The following RBFOX1 variants were observed in gnomAD, a reference collection of about 807,000 sequenced individuals.
The protein encoded by RBFOX1 is RNA binding fox-1 homolog 1.
A neutral mutation model predicts 57.7 loss-of-function variants in RBFOX1; 8 were observed. The observed-to-expected ratio is 0.14, with a 90% CI of 0.08 to 0.25. The LOEUF (loss-of-function observed/expected upper bound fraction) is 0.25, where lower values mean the gene tolerates loss of function less well. RBFOX1 is among the 10% of genes least tolerant of loss of function. The pLI is 1.00. For missense variants in RBFOX1, 611 were observed against 548.5 expected (o/e 1.11, Z -1.14); for synonymous variants, 326 against 222.4 (o/e 1.47, Z -4.15).
chr16:6,498,944 TCTC>T (rs1225797883), intron 2 of RBFOX1, among the ~76,000 whole-genome samples: 3 of 152,118 alleles, frequency 2.0e-5, no homozygotes, highest in East Asian at 1.9e-4. Flanking sequence ...CTTGGAGCCT[TCTC>T]CTCCAATACA....
chr16:5,377,896 C>G (rs1193385928), intron 1 of RBFOX1, among the ~76,000 whole-genome samples: 1 of 151,730 alleles, frequency 6.6e-6, no homozygotes, highest in Non-Finnish European at 1.5e-5. Flanking sequence ...CTCTTGAGAA[C>G]AGTTTTCCGT....
intron 1 of RBFOX1, among the ~76,000 whole-genome samples, chr16:5,264,873 C>T (rs549287650): frequency 1.3e-5 from 2 of 152,256 alleles, no homozygotes; most frequent in South Asian, 2.1e-4. Flanking sequence ...GGAAACAGAG[C>T]ACCCCACACC....
intron 1 of RBFOX1, among the ~76,000 whole-genome samples, chr16:6,253,844 C>T (rs569404042): frequency 6.6e-6 from 1 of 152,148 alleles, no homozygotes; most frequent in Non-Finnish European, 1.5e-5. Flanking sequence ...GTGCATTTAA[C>T]TCCTTGCTTG....
At position 5,448,955 on chromosome 16, in the gene RBFOX1, G is replaced by A. The variant is rs146225439; in HGVS notation, c.220-18261G>A. 8.2e-3 allele frequency among the ~76,000 whole-genome samples: 1,240 copies of A among 152,102 alleles called. 8 individuals carry two copies. The highest frequency in any genetic ancestry group is 0.017 in the Middle Eastern group (5 of 294). ...CCCACTCTCTACTGCAGACCCCCTG[G>A]CTGCCATAACCCCACCGTCCTCCTT... is the stretch of plus-strand genomic sequence containing the variant. On this transcript the variant is annotated intron_variant, in intron 1 of 2. Transcript: ENST00000585867.
Position 7,043,250 on chromosome 16 carries a change from C to A in RBFOX1, c.-15-8807C>A, listed in dbSNP as rs190019704. ...TGGGTTGGTGCATCTCCTTTGAGCACCCCTGGAACCCTGTTTTTTCTTTTC... is the reference window on the plus strand; with the variant it reads ...TGGGTTGGTGCATCTCCTTTGAGCAACCCTGGAACCCTGTTTTTTCTTTTC... On this transcript the variant is annotated intron_variant, in intron 3 of 15. Transcript: ENST00000550418. Among the ~76,000 whole-genome samples, 5 of 152,298 alleles carry A rather than the reference C, an allele frequency of 3.3e-5. No homozygotes were observed. The East Asian group carries it at 7.7e-4, about 23-fold the overall frequency.
At chr16:6,190,711 C>T (rs978369580) in intron 1 of RBFOX1, among the ~76,000 whole-genome samples, 2 of 152,150 alleles carry the variant, frequency 1.3e-5, no homozygotes, top group South Asian at 4.1e-4. Flanking sequence ...CTGTTGGTCC[C>T]ACCCTTAAAA....
intron 1 of RBFOX1, among the ~76,000 whole-genome samples, chr16:5,400,425 T>G (rs1359931939): frequency 6.6e-6 from 1 of 152,172 alleles, no homozygotes; most frequent in Non-Finnish European, 1.5e-5. Context: ...CATCTCTATG[T>G]AATTCTTTAA....
intron 4 of RBFOX1, among the ~76,000 whole-genome samples, chr16:7,312,216 C>T (rs545665894): frequency 5.3e-5 from 8 of 152,142 alleles, no homozygotes; most frequent in Non-Finnish European, 1.2e-4. Flanking sequence ...CCTGTCTCTA[C>T]TAAAAATACA....
At chr16:5,592,570 C>G (rs541247045) in intron 2 of RBFOX1, among the ~76,000 whole-genome samples, 1 of 152,226 alleles carries the variant, frequency 6.6e-6, no homozygotes, top group East Asian at 1.9e-4. Flanking sequence ...ACTCCCACCA[C>G]CATGCCTGGC....
intron 4 of RBFOX1, among the ~76,000 whole-genome samples, chr16:7,439,992 C>G (rs1348764844): frequency 7.1e-6 from 1 of 140,750 alleles, no homozygotes; most frequent in African/African-American, 2.6e-5. Context: ...CATTCTGTCA[C>G]TCAGGCTGCA....
At chr16:5,468,634 A>C (rs1488588063) in intron 2 of RBFOX1, among the ~76,000 whole-genome samples, 1 of 152,256 alleles carries the variant, frequency 6.6e-6, no homozygotes, top group African/African-American at 2.4e-5. Flanking sequence ...CATGGAAGCC[A>C]AAAGGAGAAA....
At chr16:6,566,915 A>G (rs558319109) in intron 2 of RBFOX1, among the ~76,000 whole-genome samples, 12 of 152,342 alleles carry the variant, frequency 7.9e-5, no homozygotes, top group African/African-American at 2.4e-4. Flanking sequence ...GTCTTTGAAC[A>G]TAGACCACAA....
At chr16:7,394,993 G>C (rs926968154) in intron 4 of RBFOX1, among the ~76,000 whole-genome samples, 1 of 152,168 alleles carries the variant, frequency 6.6e-6, no homozygotes, top group Non-Finnish European at 1.5e-5. Flanking sequence ...TACGTGCTGA[G>C]GAAATGTAAT....
At chr16:7,060,398 A>C (rs1330664840) in intron 4 of RBFOX1, among the ~76,000 whole-genome samples, 1 of 152,224 alleles carries the variant, frequency 6.6e-6, no homozygotes, top group Non-Finnish European at 1.5e-5. Flanking sequence ...CCTTAGACTC[A>C]CATCAAAGAT....
chr16:6,922,034 G>T (rs1258570494), intron 3 of RBFOX1, among the ~76,000 whole-genome samples: 2 of 152,140 alleles, frequency 1.3e-5, no homozygotes, highest in African/African-American at 4.8e-5. Flanking sequence ...GTATATAACT[G>T]CTGTTACCAA....
chr16:6,615,589 T>A (rs1005789124), intron 2 of RBFOX1, among the ~76,000 whole-genome samples: 1 of 151,884 alleles, frequency 6.6e-6, no homozygotes, highest in African/African-American at 2.4e-5. Context: ...AAAAATCCTC[T>A]GTCCCAATAA....
rs542032651 is a variant in RBFOX1, at chr16:6,719,142, T to C, written c.-16+64492T>C. 2.0e-5 allele frequency among the ~76,000 whole-genome samples: 3 copies of C among 152,278 alleles called. No homozygotes were observed. The South Asian group carries it at 6.2e-4, about 32-fold the overall frequency. ...TTGATCTCCCAAAGTGGTGGGATTA[T>C]AGGCATGAGCCATAGTGCCTGGCTG... is the stretch of plus-strand genomic sequence containing the variant. On this transcript the variant is annotated intron_variant, in intron 3 of 15. Coordinates refer to ENST00000550418, the MANE Select transcript of RBFOX1 (RefSeq NM_018723.4).
chr16:6,707,520 A>G (rs1481647220), intron 3 of RBFOX1, among the ~76,000 whole-genome samples: 1 of 142,270 alleles, frequency 7.0e-6, no homozygotes, highest in Non-Finnish European at 1.5e-5. Flanking sequence ...ACTGCAGTGA[A>G]CATCCTTGTA....
At chr16:6,826,855 G>A (rs765011911) in intron 3 of RBFOX1, among the ~76,000 whole-genome samples, 1 of 152,062 alleles carries the variant, frequency 6.6e-6, no homozygotes, top group Non-Finnish European at 1.5e-5. Flanking sequence ...ATCCTCAAAC[G>A]CAGTTGGATG....
Sources: allele counts gnomAD v4.1 joint callset (sites outside exome capture counted in the v4.1 genomes callset), GRCh38; gene constraint gnomAD v4.1.1; transcripts MANE v1.5; gene names NCBI Gene and HGNC (gene_info 2026-07-23, HGNC 2026-07-21).